PTPRD: variants seen among roughly 807,000 people sequenced by gnomAD.
PTPRD encodes the protein protein tyrosine phosphatase receptor type D.
PTPRD carries 34 observed loss-of-function variants against 214.5 expected under a neutral mutation model. The observed-to-expected ratio is 0.16, with a 90% confidence interval of 0.12 to 0.21. The LOEUF (loss-of-function observed/expected upper bound fraction) is 0.21. Ranked by LOEUF, PTPRD falls within the 10% of genes least tolerant of loss-of-function variation. PTPRD has a pLI of 1.00. For synonymous variants in PTPRD, 1,128 were observed against 845.7 expected, an observed-to-expected ratio of 1.33 and a Z score of -5.79; for missense variants, 2,545 against 2,398.7, an observed-to-expected ratio of 1.06 and a Z score of -1.27.
At chr9:10,114,208 GAAT>G (rs1160508482) in intron 3 of PTPRD, among the ~76,000 whole-genome samples, 2 of 152,106 alleles carry the variant, frequency 1.3e-5, no homozygotes, top group East Asian at 3.9e-4. Context: ...AACCTGGCGA[GAAT>G]ATTATGTGCC....
intron 3 of PTPRD, among the ~76,000 whole-genome samples, chr9:10,297,387 T>A (rs2095711643): frequency 6.6e-6 from 1 of 151,978 alleles, no homozygotes; most frequent in Non-Finnish European, 1.5e-5. Flanking sequence ...GTGGGAGGCA[T>A]AGACTTAGAC....
At chr9:9,450,888 A>G (rs2091953192) in intron 8 of PTPRD, among the ~76,000 whole-genome samples, 1 of 151,476 alleles carries the variant, frequency 6.6e-6, no homozygotes, top group African/African-American at 2.4e-5. Flanking sequence ...AAATCCAAGA[A>G]AAAATGATGG....
At chr9:9,371,048 A>G (rs10481629) in intron 9 of PTPRD, among the ~76,000 whole-genome samples, 3,735 of 151,512 alleles carry the variant, frequency 0.025, 140 homozygotes, top group African/African-American at 0.085. Flanking sequence ...ATCAATATTC[A>G]TTAAGGATAT....
chr9:8,736,406 T>C (rs2090403758), intron 11 of PTPRD, among the ~76,000 whole-genome samples: 1 of 152,136 alleles, frequency 6.6e-6, no homozygotes. Context: ...ATTTGCAAAA[T>C]GAAACTGCAT....
rs34304386 is a variant in PTPRD, at chr9:10,049,440, G to GAA, written c.-544-15652_-544-15651dup. Among the ~76,000 whole-genome samples, 78 of 137,898 alleles carry GAA rather than the reference G, an allele frequency of 5.7e-4. 2 individuals are homozygous for GAA. In the South Asian group the frequency reaches 0.016, roughly 29 times the overall value. The allele number at this position is 137,898 out of a possible 152,430, so 90.5% of individuals were successfully genotyped here. On this transcript the variant is annotated intron_variant, in intron 3 of 45. Coordinates refer to ENST00000381196, the MANE Select transcript of PTPRD (RefSeq NM_002839.4). ...GAAAGAAAGAAAGAAAGAAAGAAAA[G>GAA]AAAAAAAAAAACCCTTCTATATGTG...
intron 5 of PTPRD, among the ~76,000 whole-genome samples, chr9:9,879,382 G>T (rs1173806144): frequency 6.6e-6 from 1 of 152,090 alleles, no homozygotes; most frequent in Non-Finnish European, 1.5e-5. Context: ...AGGTAGAATT[G>T]AATCTGCCTA....
At chr9:9,162,227 A>G (rs563048132) in intron 10 of PTPRD, among the ~76,000 whole-genome samples, 1 of 152,282 alleles carries the variant, frequency 6.6e-6, no homozygotes, top group South Asian at 2.1e-4. Flanking sequence ...AAAGTGGCAG[A>G]TTGGTGCCAA....
chr9:9,189,275 C>G (rs1417986260), intron 9 of PTPRD, among the ~76,000 whole-genome samples: 2 of 152,026 alleles, frequency 1.3e-5, no homozygotes, highest in Admixed American at 6.6e-5. Context: ...TGAACAACAT[C>G]TAATTAAACC....
intron 10 of PTPRD, among the ~76,000 whole-genome samples, chr9:9,128,848 T>C (rs1361672448): frequency 6.6e-6 from 1 of 152,250 alleles, no homozygotes; most frequent in African/African-American, 2.4e-5. Flanking sequence ...GCAGTATTTT[T>C]CACTGTGGTC....
intron 7 of PTPRD, among the ~76,000 whole-genome samples, chr9:9,656,051 G>C (rs1183624521): frequency 6.6e-6 from 1 of 152,164 alleles, no homozygotes; most frequent in Non-Finnish European, 1.5e-5. Flanking sequence ...CATTAAGAAA[G>C]TGAAAATTAA....
At chr9:10,072,662 C>T (rs909769664) in intron 3 of PTPRD, among the ~76,000 whole-genome samples, 1 of 152,018 alleles carries the variant, frequency 6.6e-6, no homozygotes, top group Non-Finnish European at 1.5e-5. Context: ...TAGGATCGTG[C>T]TTATTGTTGC....
intron 2 of PTPRD, among the ~76,000 whole-genome samples, chr9:10,449,540 G>C (rs2098824155): frequency 6.6e-6 from 1 of 151,138 alleles, no homozygotes; most frequent in African/African-American, 2.5e-5. Flanking sequence ...CAGCCACCCA[G>C]TCTGGGAAGT....
chr9:9,369,287 T>A (rs1188463684), intron 9 of PTPRD, among the ~76,000 whole-genome samples: 1 of 152,164 alleles, frequency 6.6e-6, no homozygotes, highest in Non-Finnish European at 1.5e-5. Context: ...CCTGACTTTT[T>A]AATGATCACC....
intron 9 of PTPRD, among the ~76,000 whole-genome samples, chr9:9,267,116 G>A (rs7859634): frequency 0.48 from 71,962 of 150,912 alleles, 17,212 homozygotes; most frequent in Non-Finnish European, 0.5. Flanking sequence ...GGATCACCAC[G>A]CATTATATGT....
chr9:9,946,723 T>C (rs1304435040), intron 4 of PTPRD, among the ~76,000 whole-genome samples: 1 of 152,100 alleles, frequency 6.6e-6, no homozygotes, highest in Admixed American at 6.6e-5. Flanking sequence ...ACAGAGACCC[T>C]CTAATGTAGT....
At chr9:9,671,472 G>C (rs368195198) in intron 7 of PTPRD, among the ~76,000 whole-genome samples, 2 of 152,012 alleles carry the variant, frequency 1.3e-5, no homozygotes, top group African/African-American at 4.8e-5. Context: ...TGTTGGGGAG[G>C]CATAATTGGT....
chr9:9,512,690 T>G (rs1386432720), intron 8 of PTPRD, among the ~76,000 whole-genome samples: 12 of 151,798 alleles, frequency 7.9e-5, no homozygotes, highest in Non-Finnish European at 1.3e-4. Context: ...TACATGAGTT[T>G]CTTTTGTTCC....
intron 12 of PTPRD, among the ~76,000 whole-genome samples, chr9:8,717,903 A>G (rs2098453813): frequency 6.6e-6 from 1 of 152,218 alleles, no homozygotes; most frequent in African/African-American, 2.4e-5. Flanking sequence ...CATCCTGTGC[A>G]TATATCTACC....
intron 9 of PTPRD, among the ~76,000 whole-genome samples, chr9:9,278,745 T>C (rs934111920): frequency 6.6e-5 from 10 of 151,396 alleles, no homozygotes; most frequent in African/African-American, 2.4e-4. Context: ...ATCTAGAACA[T>C]GCAGTTAATA....
Sources: allele counts gnomAD v4.1 joint callset (sites outside exome capture counted in the v4.1 genomes callset), GRCh38; gene constraint gnomAD v4.1.1; transcripts MANE v1.5; gene names NCBI Gene and HGNC (gene_info 2026-07-23, HGNC 2026-07-21).